Variants in LIMS1 observed in about 807,000 individuals in gnomAD.
LIMS1 encodes LIM zinc finger domain containing 1.
In LIMS1, 18 loss-of-function variants were observed where a neutral mutation model predicts 44.1. The observed-to-expected ratio is 0.41, with a 90% CI of 0.28 to 0.61. LIMS1 has a LOEUF of 0.61. LIMS1 is among the 20% of genes least tolerant of loss of function. LIMS1 has a pLI of 0.32. For synonymous variants in LIMS1, 93 were observed against 149.1 expected, an observed-to-expected ratio of 0.62 and a Z score of 2.74; for missense variants, 201 against 422.0, an observed-to-expected ratio of 0.48 and a Z score of 4.59.
At chr2:108,536,569 TAGAC>T (rs1012740542) in intron 1 of LIMS1, among the ~76,000 whole-genome samples, 6 of 152,172 alleles carry the variant, frequency 3.9e-5, no homozygotes, top group African/African-American at 9.7e-5. Flanking sequence ...TACGAACAAA[TAGAC>T]AGGTGTTTGT....
intron 1 of LIMS1, among the ~76,000 whole-genome samples, chr2:108,655,997 T>C (rs1690806099): frequency 1.5e-5 from 1 of 68,426 alleles, no homozygotes; most frequent in Non-Finnish European, 3.1e-5. Flanking sequence ...AGAATTTAAC[T>C]GACCCGGTTC....
rs143453756 is a variant in LIMS1 at position 108,554,018 on chromosome 2, C to T, written c.32+19424C>T. 1.1e-3 allele frequency among the ~76,000 whole-genome samples: 164 copies of T among 152,302 alleles called. 3 individuals carry two copies. The highest frequency in any genetic ancestry group is 3.9e-3 in the African/African-American group (161 of 41,550). On this transcript the variant is annotated intron_variant, in intron 1 of 9. Transcript: ENST00000544547. ...CCAAGACTCAGGAAATACTTGTTTACTCACATAGTTGGTTGGTAAAATGAC... is the reference window on the plus strand; with the variant it reads ...CCAAGACTCAGGAAATACTTGTTTATTCACATAGTTGGTTGGTAAAATGAC...
At chr2:108,612,009 T>TAAA (rs1687667621) in intron 1 of LIMS1, among the ~76,000 whole-genome samples, 3 of 132,422 alleles carry the variant, frequency 2.3e-5, no homozygotes, top group African/African-American at 3.0e-5. Context: ...TATACACACA[T>TAAA]ATATATATAC....
chr2:108,544,528 G>A (rs1316343904), intron 1 of LIMS1, among the ~76,000 whole-genome samples: 1 of 152,054 alleles, frequency 6.6e-6, no homozygotes, highest in African/African-American at 2.4e-5. Context: ...CGATGTTTTT[G>A]CTCTGTTGTC....
intron 2 of LIMS1, among the ~76,000 whole-genome samples, chr2:108,667,551 A>AT (rs1553469851): frequency 0.11 from 14,315 of 130,338 alleles, 874 homozygotes; most frequent in Non-Finnish European, 0.13. Flanking sequence ...AAAAAAAAAA[A>AT]ATATATATAT....
intron 1 of LIMS1, among the ~76,000 whole-genome samples, chr2:108,596,985 T>A (rs1686738143): frequency 7.3e-6 from 1 of 137,214 alleles, no homozygotes. Context: ...CTTGGCTCAC[T>A]GCAACTTCTG....
At chr2:108,662,908 A>G (rs1160374572) in intron 2 of LIMS1, 5 of 247,762 alleles carry the variant, frequency 2.0e-5, no homozygotes, top group Middle Eastern at 2.1e-3. Flanking sequence ...GAGACTTAGA[A>G]ATGGGGTCTG....
chr2:108,683,857 CTT>C, intron 9 of LIMS1, 26 bp from the exon 10 acceptor site: 1 of 1,263,098 alleles, frequency 7.9e-7, no homozygotes. Flanking sequence ...CCACTAACTT[CTT>C]TTTTTTTATA....
intron 1 of LIMS1, among the ~76,000 whole-genome samples, chr2:108,569,746 A>G (rs1248679244): frequency 1.5e-5 from 2 of 129,502 alleles, no homozygotes; most frequent in Admixed American, 1.7e-4. Flanking sequence ...CATTACAAAC[A>G]CTCACCGCCA....
At chr2:108,596,852 A>G (rs1395151564) in intron 1 of LIMS1, among the ~76,000 whole-genome samples, 3 of 151,054 alleles carry the variant, frequency 2.0e-5, no homozygotes, top group Non-Finnish European at 4.4e-5. Context: ...GGAGGGGGGC[A>G]TGTTGAGGAA....
chr2:108,566,888 C>A (rs1470477398), intron 1 of LIMS1, among the ~76,000 whole-genome samples: 2 of 152,170 alleles, frequency 1.3e-5, no homozygotes, highest in African/African-American at 4.8e-5. Flanking sequence ...TGAGCTACTG[C>A]ACCTGGCCCA....
At chr2:108,656,319 ATAG>A (rs1389980239) in intron 1 of LIMS1, among the ~76,000 whole-genome samples, 1 of 15,320 alleles carries the variant, frequency 6.5e-5, no homozygotes, top group East Asian at 9.3e-3. Context: ...CTATCTATCT[ATAG>A]ATAGATAGAT....
chr2:108,635,342 C>T lies in LIMS1; in HGVS notation c.33-24263C>T, dbSNP rs1427217754. Among the ~76,000 whole-genome samples, 3 of 147,346 alleles carry T rather than the reference C, an allele frequency of 2.0e-5. No homozygotes were observed. In the South Asian group the frequency reaches 6.5e-4, roughly 32 times the overall value. ...ACTCAGGGGGCCAAAGCAGGAGAAT[C>T]GCTTGAACTCGGAAGGCAGAAGTGG... On this transcript the variant is annotated intron_variant, in intron 1 of 9. Transcript: ENST00000544547.
rs759827869 is a variant in LIMS1 at position 108,583,700 on chromosome 2, C to CTTTTTTTTTTTTT, written c.32+49108_32+49120dup. Among the ~76,000 whole-genome samples, 55 of 129,840 alleles carry CTTTTTTTTTTTTT rather than the reference C, an allele frequency of 4.2e-4. 1 individual carries two copies. Among genetic ancestry groups the CTTTTTTTTTTTTT allele is most frequent in the East Asian group, 1.8e-3 (7 of 3,932 alleles). 85.2% of individuals were successfully genotyped at this position (129,840 alleles called of 152,430 possible). ...TCCTGTTATTTTGTTGTTGCTGTTT[C>CTTTTTTTTTTTTT]TTTTTTTTTTTTTTGAGATGGAGTC... On this transcript the variant is annotated intron_variant, in intron 1 of 9. Coordinates refer to ENST00000544547, the Ensembl canonical transcript of LIMS1.
chr2:108,683,827 T>C, intron 9 of LIMS1, 58 bp from the exon 10 acceptor site: 2 of 890,712 alleles, frequency 2.2e-6, no homozygotes, highest in Non-Finnish European at 3.5e-6. Context: ...ATCATTTATA[T>C]ATCTTTGTTG....
At chr2:108,613,703 G>A (rs1687779979) in intron 1 of LIMS1, among the ~76,000 whole-genome samples, 3 of 152,182 alleles carry the variant, frequency 2.0e-5, no homozygotes, top group South Asian at 4.2e-4. Flanking sequence ...AGACACGGGC[G>A]GCCCTTGGCT....
At chr2:108,675,773 A>G in intron 5 of LIMS1, 105 bp from the exon 6 acceptor site, 1 of 1,403,856 alleles carries the variant, frequency 7.1e-7, no homozygotes, top group Non-Finnish European at 1.0e-6. Context: ...ATTTGCAGGG[A>G]TTGTCATAGT....
rs544731175 is a variant in LIMS1, at chr2:108,593,355, G to T, written c.32+58761G>T. On this transcript the variant is annotated intron_variant, in intron 1 of 9. Transcript: ENST00000544547. ...TTCTTTCTTAAATCTTCTCCCCTTC[G>T]ATTGCCTTTTCTTTCCCTCACTAAT... Among the ~76,000 whole-genome samples the T allele has an allele frequency of 1.4e-3, 208 of 151,754 alleles. 2 individuals carry two copies. Among genetic ancestry groups the T allele is most frequent in the African/African-American group, 4.8e-3 (200 of 41,362 alleles).
At chr2:108,662,465 T>C in intron 2 of LIMS1, 9 of 1,388,354 alleles carry the variant, frequency 6.5e-6, no homozygotes, top group South Asian at 1.4e-5. Flanking sequence ...AAAGATGCGA[T>C]GAATACCCAG....
Sources: allele counts gnomAD v4.1 joint callset (sites outside exome capture counted in the v4.1 genomes callset), GRCh38; gene constraint gnomAD v4.1.1; transcripts MANE v1.5; gene names NCBI Gene and HGNC (gene_info 2026-07-23, HGNC 2026-07-21).